Variants in PCDHGA11 observed in about 807,000 individuals in gnomAD.
The protein encoded by PCDHGA11 is protocadherin gamma-A11.
In PCDHGA11, 39 loss-of-function variants were observed where a neutral mutation model predicts 60.4. The observed-to-expected ratio is 0.65, with a 90% CI of 0.50 to 0.84. The LOEUF (loss-of-function observed/expected upper bound fraction) is 0.84. Among genes scored for constraint, PCDHGA11 ranks in the 40% least tolerant of loss-of-function variants. The probability of loss-of-function intolerance (pLI) is 0.00; values close to 1 mark genes in which losing one functional copy is unlikely to be tolerated. For missense variants in PCDHGA11, 1,165 were observed against 1,197.7 expected (o/e 0.97, Z 0.40); for synonymous variants, 533 against 510.3 (o/e 1.04, Z -0.60).
intron 1 of PCDHGA11, chr5:141,428,225 A>G (rs775012950): frequency 4.3e-6 from 5 of 1,156,574 alleles, no homozygotes; most frequent in Non-Finnish European, 6.3e-6. Flanking sequence ...GTCTTCGCAG[A>G]CAGCCTGCAG....
intron 1 of PCDHGA11, among the ~76,000 whole-genome samples, chr5:141,463,844 G>A (rs545618795): frequency 1.3e-5 from 2 of 152,258 alleles, no homozygotes; most frequent in East Asian, 3.9e-4. Context: ...AGTTGTTATA[G>A]TGGTATATCT....
chr5:141,486,425 A>C lies in PCDHGA11; in HGVS notation c.2434-8382A>C. The C allele has an allele frequency of 6.2e-7, 1 of 1,614,228 alleles. No homozygotes were observed. On this transcript the variant is annotated intron_variant, in intron 1 of 3. Transcript: ENST00000398587. This position sits in a 1 kb window ranked among gnomAD's most constrained non-coding sequence, Gnocchi z 5.0. Reference sequence around the variant, plus strand: ...TGCTGGACCCTTGGATCGAGAGGCCAAATCTAGCTATGACATCATGGTCAC... The same window carrying C: ...TGCTGGACCCTTGGATCGAGAGGCCCAATCTAGCTATGACATCATGGTCAC...
chr5:141,510,359 T>A (rs1229932307), intron 3 of PCDHGA11, among the ~76,000 whole-genome samples: 3 of 143,318 alleles, frequency 2.1e-5, no homozygotes, highest in African/African-American at 7.7e-5. Flanking sequence ...CTAACGGAAC[T>A]ACCGAATCTC....
chr5:141,488,548 T>C (rs112676623), intron 1 of PCDHGA11, among the ~76,000 whole-genome samples: 2 of 152,318 alleles, frequency 1.3e-5, no homozygotes, highest in African/African-American at 4.8e-5. Flanking sequence ...CCATGTCAGC[T>C]GACATTGAGA....
chr5:141,470,323 A>C (rs1029928511), intron 1 of PCDHGA11, among the ~76,000 whole-genome samples: 1 of 152,188 alleles, frequency 6.6e-6, no homozygotes, highest in African/African-American at 2.4e-5. Flanking sequence ...AAATGATCCC[A>C]TAATTTGACC....
chr5:141,484,959 C>A, intron 1 of PCDHGA11: 2 of 575,576 alleles, frequency 3.5e-6, no homozygotes, highest in Non-Finnish European at 6.2e-6. Flanking sequence ...ATTGGCTGAG[C>A]CCGGGAGCCG....
Position 141,432,488 on chromosome 5 carries a change from C to G in PCDHGA11, c.2433+8828C>G. 6.2e-7 allele frequency: 1 copy of G among 1,614,202 alleles called. No homozygotes were observed. Among genetic ancestry groups the G allele is most frequent in the Non-Finnish European group, 8.5e-7 (1 of 1,180,048 alleles). On this transcript the variant is annotated intron_variant, in intron 1 of 3. Coordinates refer to ENST00000398587, the MANE Select transcript of PCDHGA11 (RefSeq NM_018914.3). This position sits in a 1 kb window ranked among gnomAD's most constrained non-coding sequence, Gnocchi z 6.0. ...CACGGACGGTTCCACTGGCGTGGAGCTGGCTCCCCGCTCCGCAGAGCCCGG... is the reference window on the plus strand; with the variant it reads ...CACGGACGGTTCCACTGGCGTGGAGGTGGCTCCCCGCTCCGCAGAGCCCGG...
In PCDHGA11 at chr5:141,432,115, C is replaced by G. The variant is rs753088299; in HGVS notation, c.2433+8455C>G. On this transcript the variant is annotated intron_variant, in intron 1 of 3. Transcript: ENST00000398587. This position sits in a 1 kb window ranked among gnomAD's most constrained non-coding sequence, Gnocchi z 6.0. ...ACACCAACGACAACCCGCCGGTCTT[C>G]CCTCAGGCCTCCTATTCCGCTTATA... The G allele has an allele frequency of 1.2e-5, 20 of 1,614,178 alleles. No individual in the cohort carries two copies. Among genetic ancestry groups the G allele is most frequent in the Non-Finnish European group, 1.6e-5 (19 of 1,180,050 alleles).
intron 1 of PCDHGA11, 177 bp from the exon 2 acceptor site, chr5:141,494,630 C>T (rs991482599): frequency 5.8e-6 from 5 of 866,562 alleles, no homozygotes; most frequent in Non-Finnish European, 6.9e-6. Flanking sequence ...GTACCTCAGA[C>T]CTCTGAGACC....
chr5:141,463,574 G>A (rs942457606), intron 1 of PCDHGA11, among the ~76,000 whole-genome samples: 1 of 146,978 alleles, frequency 6.8e-6, no homozygotes, highest in Non-Finnish European at 1.5e-5. Flanking sequence ...TCAGCCTCCC[G>A]AGTAGCTGGG....
At position 141,431,034 on chromosome 5, in the gene PCDHGA11, G is replaced by C. The variant is rs372312860; in HGVS notation, c.2433+7374G>C. 2.5e-6 allele frequency: 4 copies of C among 1,613,992 alleles called. No homozygotes were observed. The highest frequency in any genetic ancestry group is 2.7e-5 in the African/African-American group (2 of 74,938). On this transcript the variant is annotated intron_variant, in intron 1 of 3. Coordinates refer to ENST00000398587, the MANE Select transcript of PCDHGA11 (RefSeq NM_018914.3). The surrounding 1 kb of genome is among the most constrained non-coding windows in gnomAD (Gnocchi z 4.8). ...TTGGTCACGGCGGGCAGGATAGACC[G>C]GGAGGAGCTCTGTATGGGGGCCATC...
rs1481171398 is a variant in PCDHGA11 at position 141,455,879 on chromosome 5, ATTT to A, written c.2433+32220_2433+32222del. 3.8e-4 allele frequency among the ~76,000 whole-genome samples: 56 copies of A among 147,786 alleles called. No individual in the cohort carries two copies. In the East Asian group the frequency reaches 8.9e-3, roughly 23 times the overall value. On this transcript the variant is annotated intron_variant, in intron 1 of 3. Coordinates refer to ENST00000398587, the MANE Select transcript of PCDHGA11 (RefSeq NM_018914.3). ...TCTTTTATTATTTATTTATTTATTTATTTATTTATTTATTTATTTATTTATTTA... is the reference window on the plus strand; with the variant it reads ...TCTTTTATTATTTATTTATTTATTTAATTTATTTATTTATTTATTTATTTA...
rs2099692694 is a variant in PCDHGA11, at chr5:141,489,817, GAGCTGGTGCTAGAGCAGC to G, written c.2434-4983_2434-4966del. On this transcript the variant is annotated intron_variant, in intron 1 of 3. Transcript: ENST00000398587. This position sits in a 1 kb window ranked among gnomAD's most constrained non-coding sequence, Gnocchi z 4.5. ...CCTAAAAGATGGGAAGCCATTCCCA[GAGCTGGTGCTAGAGCAGC>G]AGCTGGATCGTGAAGCCCAGGCAAG... 6 of 1,613,992 alleles carry G rather than the reference GAGCTGGTGCTAGAGCAGC, an allele frequency of 3.7e-6. No individual in the cohort carries two copies. Among genetic ancestry groups the G allele is most frequent in the Non-Finnish European group, 5.1e-6 (6 of 1,179,944 alleles).
intron 1 of PCDHGA11, chr5:141,430,809 G>T (rs949727881): frequency 2.0e-6 from 3 of 1,526,896 alleles, no homozygotes; most frequent in Non-Finnish European, 2.6e-6. Flanking sequence ...GTCCTGCTGG[G>T]AATCCTCCTG....
Position 141,511,313 on chromosome 5 carries a change from C to T in PCDHGA11, c.*140C>T. ...CCAAGGCCATGCTCCCCTTGGGAAA[C>T]AGAAACAAGTGCCCAGTCAGCACCT... On this transcript the variant is annotated 3_prime_UTR_variant, in exon 4 of 4. Transcript: ENST00000398587. 2 of 1,482,944 alleles carry T rather than the reference C, an allele frequency of 1.3e-6. No homozygotes were observed. The highest frequency in any genetic ancestry group is 2.3e-5 in the Admixed American group (1 of 43,596). 91.9% of individuals were successfully genotyped at this position (1,482,944 alleles called of 1,614,324 possible).
intron 1 of PCDHGA11, chr5:141,478,456 T>A (rs371773090): frequency 3.1e-6 from 5 of 1,613,366 alleles, no homozygotes; most frequent in African/African-American, 2.7e-5. Context: ...GTGCAGCCAG[T>A]CCACTGGCCA....
At chr5:141,439,009 G>T (rs1474312524) in intron 1 of PCDHGA11, among the ~76,000 whole-genome samples, 1 of 151,594 alleles carries the variant, frequency 6.6e-6, no homozygotes, top group Non-Finnish European at 1.5e-5. Flanking sequence ...TGGTTTGTTT[G>T]TCAAATTTTG....
Position 141,487,306 on chromosome 5 carries a change from ACT to A in PCDHGA11, c.2434-7496_2434-7495del. 1 of 1,613,414 alleles carries A rather than the reference ACT, an allele frequency of 6.2e-7. No individual in the cohort carries two copies. The highest frequency in any genetic ancestry group is 8.5e-7 in the Non-Finnish European group (1 of 1,179,874). ...TCTCCTTTGGCTCATTCGTGGCACT[ACT>A]CTCTAAGTGTCTTCGTGGGGCAGCC... On this transcript the variant is annotated intron_variant, in intron 1 of 3. Coordinates refer to ENST00000398587, the MANE Select transcript of PCDHGA11 (RefSeq NM_018914.3). The surrounding 1 kb of genome is among the most constrained non-coding windows in gnomAD (Gnocchi z 5.0).
chr5:141,475,929 C>A, intron 1 of PCDHGA11: 1 of 634,624 alleles, frequency 1.6e-6, no homozygotes, highest in Non-Finnish European at 2.7e-6. Context: ...GGAGATCGGG[C>A]CCCTGCCCGT....
Sources: gnomAD v4.1 joint callset for allele counts (sites outside exome capture counted in the v4.1 genomes callset) on GRCh38, gnomAD v4.1.1 for gene constraint, Gnocchi (gnomAD v3.1) non-coding constraint, MANE v1.5 for transcripts, NCBI Gene and HGNC (gene_info 2026-07-23, HGNC 2026-07-21) for gene names.